Variants in MTMR3 observed in about 807,000 individuals in gnomAD.
The protein encoded by MTMR3 is myotubularin related protein 3, also known as phosphatidylinositol-3,5-bisphosphate 3-phosphatase MTMR3.
In MTMR3, 32 loss-of-function variants were observed where a neutral mutation model predicts 132.4. That is an observed-to-expected ratio of 0.24 (90% CI 0.18 to 0.32). MTMR3 has a LOEUF of 0.32. Among genes scored for constraint, MTMR3 ranks in the 10% least tolerant of loss-of-function variants. MTMR3 has a pLI of 1.00. For missense variants in MTMR3, 1,216 were observed against 1,489.6 expected (o/e 0.82, Z 3.02); for synonymous variants, 556 against 550.3 (o/e 1.01, Z -0.14).
chr22:29,968,878 A>C (rs2066479695), intron 2 of MTMR3, among the ~76,000 whole-genome samples: 1 of 152,248 alleles, frequency 6.6e-6, no homozygotes, highest in African/African-American at 2.4e-5. Flanking sequence ...AAGAGTGGTT[A>C]AGAATGATGA....
intron 5 of MTMR3, chr22:29,986,479 T>G: frequency 1.8e-5 from 12 of 662,534 alleles, no homozygotes; most frequent in Non-Finnish European, 2.2e-5. Flanking sequence ...TAGTTTTATC[T>G]CTGATAAATT....
At chr22:29,906,997 A>C (rs191474107) in intron 1 of MTMR3, among the ~76,000 whole-genome samples, 4 of 151,688 alleles carry the variant, frequency 2.6e-5, no homozygotes, top group Non-Finnish European at 5.9e-5. Flanking sequence ...AGAATTGCTT[A>C]AACCAGGAGA....
intron 9 of MTMR3, 189 bp from the exon 10 acceptor site, chr22:30,006,923 GAC>G (rs907392453): frequency 8.4e-6 from 5 of 591,938 alleles, no homozygotes; most frequent in Non-Finnish European, 1.5e-5. Context: ...AATTGAGAAA[GAC>G]ACACAGGTTT....
intron 1 of MTMR3, among the ~76,000 whole-genome samples, chr22:29,938,561 G>A (rs975410355): frequency 2.0e-5 from 3 of 152,114 alleles, no homozygotes; most frequent in African/African-American, 7.2e-5. Flanking sequence ...TTAGAGTAAA[G>A]TATATGCAAA....
chr22:29,995,862 T>G (rs2067050205), intron 7 of MTMR3: 1 of 152,222 alleles, frequency 6.6e-6, no homozygotes, highest in Non-Finnish European at 1.5e-5. Context: ...TCCTGATGTA[T>G]GTAATGATGT....
At chr22:30,001,471 T>G (rs1159113650) in intron 8 of MTMR3, 2 of 152,276 alleles carry the variant, frequency 1.3e-5, no homozygotes, top group African/African-American at 4.8e-5. Context: ...AAGAGTTGTT[T>G]GAGCCCAGGA....
At chr22:29,977,440 A>G (rs2145882802) in intron 3 of MTMR3, among the ~76,000 whole-genome samples, 1 of 152,382 alleles carries the variant, frequency 6.6e-6, no homozygotes, top group East Asian at 1.9e-4. Context: ...CATGTCATCT[A>G]GATGAGAATT....
chr22:29,917,924 A>G (rs2065339462), intron 1 of MTMR3, among the ~76,000 whole-genome samples: 1 of 152,226 alleles, frequency 6.6e-6, no homozygotes. Flanking sequence ...GCATTTCCTA[A>G]CTATTAAATG....
chr22:30,015,172 GA>G (rs2067547762), intron 14 of MTMR3: 1 of 151,962 alleles, frequency 6.6e-6, no homozygotes, highest in Admixed American at 6.6e-5. Context: ...TTAGCCCCCT[GA>G]GTAGCTAGGA....
intron 1 of MTMR3, among the ~76,000 whole-genome samples, chr22:29,951,941 G>A (rs1056745238): frequency 5.7e-5 from 8 of 141,028 alleles, no homozygotes; most frequent in Non-Finnish European, 7.5e-5. Flanking sequence ...GTGGAGTGTC[G>A]TGTAGTGGCT....
At chr22:30,021,844 A>G (rs1187040742) in intron 17 of MTMR3, 185 bp from the exon 18 acceptor site, 4 of 598,520 alleles carry the variant, frequency 6.7e-6, no homozygotes, top group Admixed American at 5.7e-5. Flanking sequence ...TCCCTCTCCC[A>G]GCTGAGCCCA....
chr22:29,967,867 T>C (rs1344751624), intron 2 of MTMR3, among the ~76,000 whole-genome samples: 1 of 152,030 alleles, frequency 6.6e-6, no homozygotes, highest in African/African-American at 2.4e-5. Context: ...ATGTGTGTCA[T>C]GTATCAGTAT....
chr22:29,945,549 A>AT lies in MTMR3; in HGVS notation c.-137-11487_-137-11486insT, dbSNP rs527826671. Among the ~76,000 whole-genome samples the AT allele has an allele frequency of 4.4e-3, 661 of 151,892 alleles. 6 individuals carry two copies. Among genetic ancestry groups the AT allele is most frequent in the African/African-American group, 0.015 (623 of 41,378 alleles). On this transcript the variant is annotated intron_variant, in intron 1 of 19. Coordinates refer to ENST00000401950, the MANE Select transcript of MTMR3 (RefSeq NM_021090.4). ...CCTGTCTCTATAAAAAATTAAAAAA[A>AT]AAAAATGTAGCCAGGCATGGTGGTA...
At chr22:29,983,994 G>A (rs1335289906) in intron 5 of MTMR3, 1 of 150,558 alleles carries the variant, frequency 6.6e-6, no homozygotes, top group Non-Finnish European at 1.5e-5. Context: ...GTTATGTTAT[G>A]TTATTGTAGT....
chr22:29,884,259 C>CAAACT (rs1555890290), intron 1 of MTMR3, among the ~76,000 whole-genome samples: 1 of 151,666 alleles, frequency 6.6e-6, no homozygotes, highest in Non-Finnish European at 1.5e-5. Flanking sequence ...ACAACCCAAA[C>CAAACT]AAACAAAACA....
intron 1 of MTMR3, among the ~76,000 whole-genome samples, chr22:29,894,454 A>G (rs8140770): frequency 0.16 from 24,335 of 151,698 alleles, 2,047 homozygotes; most frequent in South Asian, 0.24. Context: ...ATCAGTTTCT[A>G]TGCACTCTGT....
In MTMR3 at chr22:30,028,748, CAA is replaced by C. The variant is rs1232835343; in HGVS notation, c.*2949_*2950del. On this transcript the variant is annotated 3_prime_UTR_variant, in exon 20 of 20. Coordinates refer to ENST00000401950, the MANE Select transcript of MTMR3 (RefSeq NM_021090.4). ...ACCTTCTACCTAAAGTATACAAACA[CAA>C]AGAGCCAGCTGAGCTGGTTCTAGTG... The C allele has an allele frequency of 6.6e-6, 1 of 152,362 alleles. No homozygotes were observed. Among genetic ancestry groups the C allele is most frequent in the African/African-American group, 2.4e-5 (1 of 41,460 alleles). 9.4% of individuals were successfully genotyped at this position (152,362 alleles called of 1,614,324 possible). A position where few individuals can be genotyped will look rare whatever the true frequency, so the allele number is the denominator to read the frequency against.
intron 1 of MTMR3, among the ~76,000 whole-genome samples, chr22:29,907,613 A>G (rs545042581): frequency 2.0e-5 from 3 of 152,284 alleles, no homozygotes; most frequent in South Asian, 4.1e-4. Flanking sequence ...AAAATTTTAA[A>G]TGTACCCATT....
chr22:29,967,193 T>TTGTGTGTGTGTGTGTG (rs10680622), intron 2 of MTMR3, among the ~76,000 whole-genome samples: 3 of 142,060 alleles, frequency 2.1e-5, no homozygotes, highest in East Asian at 2.1e-4. Context: ...TTCACCTCTG[T>TTGTGTGTGTGTGTGTG]TGTGTGTGTG....
Sources: gnomAD v4.1 joint callset for allele counts (sites outside exome capture counted in the v4.1 genomes callset) on GRCh38, gnomAD v4.1.1 for gene constraint, MANE v1.5 for transcripts, NCBI Gene and HGNC (gene_info 2026-07-23, HGNC 2026-07-21) for gene names.